The following A4GNT variants were observed in gnomAD, a reference collection of about 807,000 sequenced individuals.
A4GNT encodes alpha-1,4-N-acetylglucosaminyltransferase.
Under a neutral mutation model 8.3 loss-of-function variants are expected in A4GNT, and 6 were observed. The observed-to-expected ratio is 0.72, with a 90% CI of 0.39 to 1.42. The LOEUF (loss-of-function observed/expected upper bound fraction) is 1.42. Ranked by LOEUF, A4GNT falls within the 40% of genes most tolerant of loss-of-function variation. A4GNT has a pLI of 0.02. For synonymous variants in A4GNT, 157 were observed against 159.8 expected (o/e 0.98, Z 0.13); for missense variants, 377 against 417.0 (o/e 0.90, Z 0.84).
intron 2 of A4GNT, among the ~76,000 whole-genome samples, chr3:138,125,969 G>A (rs1394434554): frequency 1.3e-5 from 2 of 152,160 alleles, no homozygotes; most frequent in Non-Finnish European, 2.9e-5. Flanking sequence ...GTAGGCTGGG[G>A]CCAAGACTGA....
chr3:138,125,781 C>T (rs1254149169), intron 2 of A4GNT, among the ~76,000 whole-genome samples: 1 of 152,074 alleles, frequency 6.6e-6, no homozygotes, highest in Non-Finnish European at 1.5e-5. Context: ...AAATGCAGGG[C>T]ATAAAAGTCA....
At chr3:138,127,573 C>CA (rs78781728) in intron 2 of A4GNT, among the ~76,000 whole-genome samples, 1,459 of 108,094 alleles carry the variant, frequency 0.013, 8 homozygotes, top group East Asian at 0.032. Flanking sequence ...GACTCCGTCT[C>CA]AAAAAAAAAA....
intron 2 of A4GNT, among the ~76,000 whole-genome samples, chr3:138,125,111 T>G (rs534686537): frequency 2.0e-5 from 3 of 152,348 alleles, no homozygotes; most frequent in East Asian, 1.9e-4. Flanking sequence ...TAGCAGCTTT[T>G]AAAGATTTCA....
rs2170309 is a variant in A4GNT at position 138,124,264 on chromosome 3, T to C, written c.1023A>G (p.Ter341=). ...VTGELGPGNK[*] ...CAGCAGCAGCAAACGAGTGTTAGCT[T>C]TATTTGTTACCTGGACCCAGCTCCC... Residue 341 remains the stop codon, a stop_retained_variant, in exon 3 of 3, where the codon TAA becomes TAG. Coordinates refer to ENST00000236709, the MANE Select transcript of A4GNT (RefSeq NM_016161.3). 0.67 allele frequency: 1,083,491 copies of C among 1,611,110 alleles called. 364,976 individuals are homozygous for C. The highest frequency in any genetic ancestry group is 0.68 in the Non-Finnish European group (803,014 of 1,178,336).
In A4GNT at chr3:138,124,828, G is replaced by A. The variant is rs749541738; in HGVS notation, c.459C>T (p.Ser153=). The stretch of plus-strand genomic sequence containing the variant: ...CGTATTTCCAGATGATGGCCAGGCG[G>A]GATGCATCCGAGCTGATGTGGAGCC... ...RNWLHISSDA[S]RLAIIWKYGG... is the part of the protein sequence containing the mutation. Residue 153 remains serine, a synonymous_variant, in exon 3 of 3, where the codon TCC becomes TCT. Transcript: ENST00000236709. 1.9e-6 allele frequency: 3 copies of A among 1,613,764 alleles called. No individual in the cohort carries two copies. The highest frequency in any genetic ancestry group is 1.7e-5 in the Admixed American group (1 of 60,020).
rs1223161875 is a variant in A4GNT at position 138,128,151 on chromosome 3, T to C, written c.408+2698A>G. Reference sequence around the variant, plus strand: ...ATAAAGAGGCTTTAATATCCTCATGTGTGTGATTCATCTGTAAGAAAAGGA... The same window carrying C: ...ATAAAGAGGCTTTAATATCCTCATGCGTGTGATTCATCTGTAAGAAAAGGA... On this transcript the variant is annotated intron_variant, in intron 2 of 2. Transcript: ENST00000236709. 2.0e-5 allele frequency among the ~76,000 whole-genome samples: 3 copies of C among 152,214 alleles called. No individual in the cohort carries two copies. The East Asian group carries it at 5.8e-4, about 29-fold the overall frequency.
At chr3:138,132,534 C>T (rs1005190496), upstream of A4GNT, 2 of 152,212 alleles carry the variant, frequency 1.3e-5, no homozygotes, top group Non-Finnish European at 2.9e-5. Context: ...CTCCCAAACA[C>T]AGCCACTTGG....
Position 138,131,253 on chromosome 3 carries a change from G to A in A4GNT, c.4C>T (p.Arg2Trp), listed in dbSNP as rs755655007. The A allele has an allele frequency of 2.6e-5, 41 of 1,581,068 alleles. No homozygotes were observed. Among genetic ancestry groups the A allele is most frequent in the South Asian group, 3.4e-5 (3 of 88,370 alleles). M[R>W]KELQLSLSVT... ...GACAGGGAGAGCTGGAGCTCCTTCC[G>A]CATGTCCTCTTCTCTGTGCCAGCCT... The change falls in exon 2 of 3, where the codon CGG becomes TGG. Residue 2 changes from arginine to tryptophan, a missense_variant. Arg to Trp is a moderately radical substitution (Grantham distance 101). Coordinates refer to ENST00000236709, the MANE Select transcript of A4GNT (RefSeq NM_016161.3).
At chr3:138,133,076 C>T (rs1477249696), upstream of A4GNT, among the ~76,000 whole-genome samples, 3 of 152,248 alleles carry the variant, frequency 2.0e-5, no homozygotes, top group African/African-American at 7.2e-5. Context: ...GAGCCATCCT[C>T]TGCTGAGAGT....
In A4GNT at chr3:138,131,112, T is replaced by C. The variant is rs764533664; in HGVS notation, c.145A>G (p.Arg49Gly). Residue 49 changes from arginine to glycine, a missense_variant, in exon 2 of 3, where the codon AGA becomes GGA. Coordinates refer to ENST00000236709, the MANE Select transcript of A4GNT (RefSeq NM_016161.3). ...GTCTCTAGAAACACAATGCCACGTC[T>C]GTGGCTCAGGAGGGCTTCCAGCCCC... ...HQGLEALLSH[R>G]RGIVFLETSE... 6.2e-7 allele frequency: 1 copy of C among 1,613,618 alleles called. No homozygotes were observed.
intron 2 of A4GNT, among the ~76,000 whole-genome samples, chr3:138,125,308 G>C (rs2042739107): frequency 6.6e-6 from 1 of 152,016 alleles, no homozygotes; most frequent in Admixed American, 6.6e-5. Context: ...AAAAAAATCA[G>C]TATGTCTGCT....
rs1192275787 is a variant in A4GNT at position 138,124,760 on chromosome 3, A to G, written c.527T>C (p.Ile176Thr). Residue 176 changes from isoleucine to threonine, a missense_variant, in exon 3 of 3, where the codon ATC (isoleucine) becomes ACC (threonine). Transcript: ENST00000236709. ...CGCAGCCAAAAAGTTCTCCTCAGGG[A>G]TGGGCCTGATGGAGATGACATCGGT... ...MDTDVISIRP[I>T]PEENFLAAQA... 6.2e-7 allele frequency: 1 copy of G among 1,614,040 alleles called. No individual in the cohort carries two copies. The highest frequency in any genetic ancestry group is 1.7e-5 in the Admixed American group (1 of 59,990).
At chr3:138,130,425 T>C (rs2042769321) in intron 2 of A4GNT, among the ~76,000 whole-genome samples, 1 of 152,134 alleles carries the variant, frequency 6.6e-6, no homozygotes, top group Non-Finnish European at 1.5e-5. Context: ...CAATCTCATA[T>C]CGCAGCATTT....
intron 2 of A4GNT, among the ~76,000 whole-genome samples, chr3:138,127,118 C>CAG (rs1460307238): frequency 8.8e-5 from 3 of 34,082 alleles, no homozygotes; most frequent in Admixed American, 2.9e-4. Context: ...GACTCCATCT[C>CAG]AAAAAAAAAA....
In A4GNT at chr3:138,124,612, A is replaced by T. The variant is rs768654443; in HGVS notation, c.675T>A (p.Pro225=). The T allele has an allele frequency of 5.3e-5, 86 of 1,614,222 alleles. No individual in the cohort carries two copies. The Middle Eastern group carries it at 8.2e-4, about 15-fold the overall frequency. ...YNSAIWGNQG[P]ELMTRMLRVW... ...CCCTCAACATCCTTGTCATCAACTC[A>T]GGGCCTTGGTTGCCCCAAATGGCTG... Residue 225 remains proline, a synonymous_variant, in exon 3 of 3, where the codon CCT becomes CCA. Transcript: ENST00000236709.
Position 138,130,993 on chromosome 3 carries a change from C to T in A4GNT, c.264G>A (p.Lys88=). ...YPEWPVVFFM[K]GLTDSTPMPS... is the part of the protein sequence containing the mutation. ...GCATCGGTGTGGAATCAGTAAGACC[C>T]TTCATAAAGAACACCACAGGCCACT... The change falls in exon 2 of 3, where the codon AAG becomes AAA. Residue 88 remains lysine, a synonymous_variant. Transcript: ENST00000236709. 6.2e-7 allele frequency: 1 copy of T among 1,614,110 alleles called. No homozygotes were observed. The highest frequency in any genetic ancestry group is 8.5e-7 in the Non-Finnish European group (1 of 1,180,026).
chr3:138,128,008 G>A (rs145684860), intron 2 of A4GNT, among the ~76,000 whole-genome samples: 1 of 152,314 alleles, frequency 6.6e-6, no homozygotes, highest in African/African-American at 2.4e-5. Context: ...AATCTAAACT[G>A]TGTTCCATGG....
chr3:138,127,118 CAAAA>C (rs898641661), intron 2 of A4GNT, among the ~76,000 whole-genome samples: 433 of 34,012 alleles, frequency 0.013, 1 homozygote, highest in African/African-American at 0.038. Flanking sequence ...GACTCCATCT[CAAAA>C]AAAAAAAAAA....
chr3:138,129,585 A>T (rs1259423087), intron 2 of A4GNT, among the ~76,000 whole-genome samples: 1 of 152,218 alleles, frequency 6.6e-6, no homozygotes, highest in Non-Finnish European at 1.5e-5. Context: ...CTGTTGTTTT[A>T]TGCCACCAGG....
Sources: gnomAD v4.1 joint callset for allele counts (sites outside exome capture counted in the v4.1 genomes callset) on GRCh38, gnomAD v4.1.1 for gene constraint, MANE v1.5 for transcripts, NCBI Gene and HGNC (gene_info 2026-07-23, HGNC 2026-07-21) for gene names.